The following LRP1B variants were observed in gnomAD, a reference collection of about 807,000 sequenced individuals.
LRP1B encodes low-density lipoprotein receptor-related protein 1B.
A neutral mutation model predicts 556.6 loss-of-function variants in LRP1B; 217 were observed. The ratio of observed to expected loss-of-function variants is 0.39; its 90% CI spans 0.35 to 0.44. The LOEUF (loss-of-function observed/expected upper bound fraction) is 0.44. Among genes scored for constraint, LRP1B ranks in the 20% least tolerant of loss-of-function variants. The probability of loss-of-function intolerance (pLI) is 1.00; values close to 1 mark genes in which losing one functional copy is unlikely to be tolerated. For missense variants in LRP1B, 5,053 were observed against 5,620.8 expected (o/e 0.90, Z 3.23); for synonymous variants, 2,047 against 1,865.8 (o/e 1.10, Z -2.50).
chr2:140,985,306 T>C (rs918395920), intron 17 of LRP1B, among the ~76,000 whole-genome samples: 1 of 151,554 alleles, frequency 6.6e-6, no homozygotes, highest in African/African-American at 2.4e-5. Context: ...AAATGCACTA[T>C]TATTTTGTAA....
chr2:140,951,394 T>C (rs1695710533), intron 19 of LRP1B, among the ~76,000 whole-genome samples: 1 of 152,122 alleles, frequency 6.6e-6, no homozygotes, highest in Non-Finnish European at 1.5e-5. Context: ...ATATAATTAA[T>C]TTACCTGTAT....
At chr2:141,116,564 G>A (rs983946528) in intron 7 of LRP1B, among the ~76,000 whole-genome samples, 2 of 151,958 alleles carry the variant, frequency 1.3e-5, no homozygotes, top group African/African-American at 4.8e-5. Context: ...TAGTAGGCTC[G>A]CCATCCCCAT....
At chr2:142,063,800 C>T (rs886795602) in intron 1 of LRP1B, among the ~76,000 whole-genome samples, 129 of 151,548 alleles carry the variant, frequency 8.5e-4, no homozygotes, top group African/African-American at 3.1e-3. Context: ...CATCATAATA[C>T]AAAGTAGAAA....
At chr2:141,597,731 T>A (rs1687575606) in intron 2 of LRP1B, among the ~76,000 whole-genome samples, 2 of 152,078 alleles carry the variant, frequency 1.3e-5, no homozygotes, top group South Asian at 4.1e-4. Flanking sequence ...CAGCCTCTTA[T>A]TTTTACTTCT....
At chr2:140,916,542 C>T (rs1054395352) in intron 21 of LRP1B, among the ~76,000 whole-genome samples, 1 of 152,178 alleles carries the variant, frequency 6.6e-6, no homozygotes, top group Non-Finnish European at 1.5e-5. Context: ...CTGTTACATT[C>T]TTCTGCTAAA....
intron 2 of LRP1B, among the ~76,000 whole-genome samples, chr2:141,800,163 T>C (rs1473070407): frequency 6.6e-6 from 1 of 152,122 alleles, no homozygotes; most frequent in East Asian, 1.9e-4. Flanking sequence ...CATACATACA[T>C]CTGGATAGCA....
At chr2:141,129,495 A>T (rs1027931330) in intron 7 of LRP1B, among the ~76,000 whole-genome samples, 4 of 151,570 alleles carry the variant, frequency 2.6e-5, no homozygotes, top group African/African-American at 9.7e-5. Flanking sequence ...GGAGCAATCC[A>T]TTATACTGCA....
intron 66 of LRP1B, among the ~76,000 whole-genome samples, chr2:140,419,477 A>T (rs897875581): frequency 6.6e-6 from 1 of 152,224 alleles, no homozygotes; most frequent in Non-Finnish European, 1.5e-5. Context: ...TGTATAGAAC[A>T]GTCCACCCAA....
intron 2 of LRP1B, among the ~76,000 whole-genome samples, chr2:141,700,914 C>T (rs1691919338): frequency 6.6e-6 from 1 of 151,774 alleles, no homozygotes; most frequent in Admixed American, 6.6e-5. Flanking sequence ...CTTCAAATTT[C>T]CTTCTGATGT....
intron 18 of LRP1B, among the ~76,000 whole-genome samples, chr2:140,978,656 C>G (rs911097923): frequency 6.6e-5 from 10 of 152,108 alleles, no homozygotes; most frequent in African/African-American, 1.9e-4. Context: ...GAGATCTGTG[C>G]CATTCTTTCT....
chr2:141,396,084 A>C (rs1356669861), intron 3 of LRP1B, among the ~76,000 whole-genome samples: 1 of 152,228 alleles, frequency 6.6e-6, no homozygotes, highest in Non-Finnish European at 1.5e-5. Flanking sequence ...GATTCACAAA[A>C]GAATATCTGC....
At chr2:141,860,232 T>C (rs915540051) in intron 1 of LRP1B, among the ~76,000 whole-genome samples, 5 of 152,120 alleles carry the variant, frequency 3.3e-5, no homozygotes, top group African/African-American at 1.2e-4. Context: ...AAGATATACA[T>C]TCTTGTAATT....
intron 49 of LRP1B, among the ~76,000 whole-genome samples, chr2:140,519,114 A>T (rs948037046): frequency 5.9e-5 from 9 of 152,184 alleles, no homozygotes; most frequent in African/African-American, 1.9e-4. Flanking sequence ...AAACTACGTT[A>T]AAGTCCATAT....
rs1400645872 is a variant in LRP1B at position 140,968,267 on chromosome 2, A to G, written c.2887+13893T>C. 2.6e-5 allele frequency among the ~76,000 whole-genome samples: 4 copies of G among 151,744 alleles called. No individual in the cohort carries two copies. The East Asian group carries it at 7.8e-4, about 30-fold the overall frequency. On this transcript the variant is annotated intron_variant, in intron 18 of 90. Transcript: ENST00000389484. ...TCCTGGTTTAGTCTTGGGAGGGTGT[A>G]TATGTCCAGGAATTTATCCATTTCT...
At chr2:140,392,211 G>T (rs1169454016) in intron 66 of LRP1B, among the ~76,000 whole-genome samples, 2 of 150,848 alleles carry the variant, frequency 1.3e-5, no homozygotes, top group Admixed American at 6.6e-5. Flanking sequence ...CAAAGTTTTT[G>T]TTTTTCTTTT....
intron 18 of LRP1B, among the ~76,000 whole-genome samples, chr2:140,969,722 G>A (rs924987244): frequency 6.6e-6 from 1 of 152,064 alleles, no homozygotes; most frequent in African/African-American, 2.4e-5. Context: ...CGGGCCTAGT[G>A]GTGACAAAAT....
chr2:140,705,272 C>T (rs556850234), intron 37 of LRP1B, among the ~76,000 whole-genome samples: 3 of 152,136 alleles, frequency 2.0e-5, no homozygotes, highest in South Asian at 2.1e-4. Context: ...ACCTGTAATA[C>T]TAACACTTTG....
chr2:141,627,450 C>T (rs1395078921), intron 2 of LRP1B, among the ~76,000 whole-genome samples: 3 of 152,158 alleles, frequency 2.0e-5, no homozygotes, highest in Non-Finnish European at 4.4e-5. Context: ...TCCTCTGTGG[C>T]CTGTTAGGAA....
At chr2:140,320,029 C>A (rs1055489420) in intron 82 of LRP1B, among the ~76,000 whole-genome samples, 1 of 152,172 alleles carries the variant, frequency 6.6e-6, no homozygotes, top group Non-Finnish European at 1.5e-5. Context: ...CTTTACCCAC[C>A]ATATTTCCAT....
Sources: allele counts gnomAD v4.1 joint callset (sites outside exome capture counted in the v4.1 genomes callset), GRCh38; gene constraint gnomAD v4.1.1; transcripts MANE v1.5; gene names NCBI Gene and HGNC (gene_info 2026-07-23, HGNC 2026-07-21).